The following NT5DC1 variants were observed in gnomAD, a reference collection of about 807,000 sequenced individuals.
NT5DC1 encodes the protein 5'-nucleotidase domain-containing protein 1.
A neutral mutation model predicts 59.4 loss-of-function variants in NT5DC1; 42 were observed. The observed-to-expected ratio is 0.71, with a 90% confidence interval of 0.55 to 0.92. NT5DC1 has a LOEUF of 0.92. Among genes scored for constraint, NT5DC1 ranks in the 40% least tolerant of loss-of-function variants. The pLI, the probability that NT5DC1 is intolerant of heterozygous loss-of-function variation, is 0.00. For missense variants in NT5DC1, 501 were observed against 537.1 expected, an observed-to-expected ratio of 0.93 and a Z score of 0.66; for synonymous variants, 172 against 188.1, an observed-to-expected ratio of 0.91 and a Z score of 0.70.
At chr6:116,175,029 T>A (rs1314167592) in intron 6 of NT5DC1, among the ~76,000 whole-genome samples, 10 of 152,160 alleles carry the variant, frequency 6.6e-5, no homozygotes, top group Admixed American at 6.5e-4. Context: ...ATGAACAGGA[T>A]TATCTACTCA....
intron 6 of NT5DC1, among the ~76,000 whole-genome samples, chr6:116,143,049 A>T (rs1281700245): frequency 6.6e-6 from 1 of 152,156 alleles, no homozygotes; most frequent in Non-Finnish European, 1.5e-5. Context: ...TTTTGCTCTT[A>T]CTAGGAAATT....
rs1229335743 is a variant in NT5DC1, at chr6:116,248,758, A to G, written c.*4734A>G. ...TCTTAACTGGTTTGGAGGTCCACATAAAGAATAATTGGGGTCTAGAATTAA... is the reference window on the plus strand; with the variant it reads ...TCTTAACTGGTTTGGAGGTCCACATGAAGAATAATTGGGGTCTAGAATTAA... On this transcript the variant is annotated 3_prime_UTR_variant, in exon 12 of 12. Coordinates refer to ENST00000319550, the MANE Select transcript of NT5DC1 (RefSeq NM_152729.3). 6.6e-6 allele frequency: 1 copy of G among 152,286 alleles called. No homozygotes were observed. Among genetic ancestry groups the G allele is most frequent in the African/African-American group, 2.4e-5 (1 of 41,462 alleles). 9.4% of individuals were successfully genotyped at this position (152,286 alleles called of 1,614,324 possible). A position where few individuals can be genotyped will look rare whatever the true frequency, so the allele number is the denominator to read the frequency against.
At chr6:116,190,229 C>T (rs1369066518) in intron 6 of NT5DC1, among the ~76,000 whole-genome samples, 1 of 151,922 alleles carries the variant, frequency 6.6e-6, no homozygotes, top group Non-Finnish European at 1.5e-5. Flanking sequence ...AGTCAGCATT[C>T]CCTGAGCCAA....
intron 6 of NT5DC1, among the ~76,000 whole-genome samples, chr6:116,141,914 AC>A (rs1484484153): frequency 4.0e-5 from 6 of 151,224 alleles, no homozygotes; most frequent in African/African-American, 1.5e-4. Context: ...ACACACACAC[AC>A]ACACACACAC....
chr6:116,135,872 T>TATATATATATACACACAC (rs368675402), intron 6 of NT5DC1, among the ~76,000 whole-genome samples: 1 of 121,312 alleles, frequency 8.2e-6, no homozygotes, highest in African/African-American at 3.5e-5. Context: ...TATATATATA[T>TATATATATATACACACAC]ACACACATAC....
rs558124728 is a variant in NT5DC1, at chr6:116,134,266, T to A, written c.529+16321T>A. 3.4e-3 allele frequency among the ~76,000 whole-genome samples: 521 copies of A among 152,292 alleles called. 3 individuals carry two copies. The highest frequency in any genetic ancestry group is 0.012 in the African/African-American group (484 of 41,562). ...GTATACCAGTTGCCAGGTTGGGTTC[T>A]AGGAATCTGGAGCAGGAGCTACTTC... is the stretch of plus-strand genomic sequence containing the variant. On this transcript the variant is annotated intron_variant, in intron 6 of 11. Coordinates refer to ENST00000319550, the MANE Select transcript of NT5DC1 (RefSeq NM_152729.3).
intron 6 of NT5DC1, among the ~76,000 whole-genome samples, chr6:116,187,907 A>G (rs1781037734): frequency 6.6e-6 from 1 of 152,048 alleles, no homozygotes; most frequent in Admixed American, 6.6e-5. Context: ...ATTACTAAGA[A>G]CGAAAGGGCA....
chr6:116,236,903 G>A, intron 8 of NT5DC1, 63 bp from the exon 9 acceptor site: 2 of 992,028 alleles, frequency 2.0e-6, no homozygotes, highest in South Asian at 2.7e-5. Flanking sequence ...CCTAAGTGTG[G>A]TCTGCCCAAC....
At chr6:116,116,620 C>A (rs1045286573) in intron 5 of NT5DC1, among the ~76,000 whole-genome samples, 1 of 152,008 alleles carries the variant, frequency 6.6e-6, no homozygotes, top group African/African-American at 2.4e-5. Flanking sequence ...CTAGCCTGGG[C>A]GACATAGCAA....
chr6:116,153,682 A>G (rs1221849047), intron 6 of NT5DC1, among the ~76,000 whole-genome samples: 1 of 152,120 alleles, frequency 6.6e-6, no homozygotes, highest in East Asian at 1.9e-4. Context: ...ACAGTCAAAT[A>G]TTGGCAGTTT....
At chr6:116,118,004 G>C (rs777927200) in intron 6 of NT5DC1, 59 bp downstream of exon 6, 1 of 858,938 alleles carries the variant, frequency 1.2e-6, no homozygotes, top group Non-Finnish European at 2.0e-6. Context: ...TTTGTCTAGT[G>C]AATTAGCTGA....
At chr6:116,154,486 G>A (rs1449720738) in intron 6 of NT5DC1, among the ~76,000 whole-genome samples, 1 of 151,980 alleles carries the variant, frequency 6.6e-6, no homozygotes, top group African/African-American at 2.4e-5. Flanking sequence ...CCTGCTCTGT[G>A]ATTTTTATGT....
intron 6 of NT5DC1, among the ~76,000 whole-genome samples, chr6:116,182,235 G>GTGTGTGTGTGTGTGTGTA (rs1562154235): frequency 4.0e-4 from 60 of 151,424 alleles, no homozygotes; most frequent in Admixed American, 1.1e-3. Context: ...GTGTGTGTGT[G>GTGTGTGTGTGTGTGTGTA]TGTGTGTGTG....
chr6:116,206,570 G>A (rs1562164514), intron 6 of NT5DC1, among the ~76,000 whole-genome samples: 1 of 151,952 alleles, frequency 6.6e-6, no homozygotes, highest in Non-Finnish European at 1.5e-5. Flanking sequence ...AAGCTTTTCA[G>A]TAGAAATGGA....
At chr6:116,186,429 C>T (rs1781000786) in intron 6 of NT5DC1, among the ~76,000 whole-genome samples, 1 of 151,846 alleles carries the variant, frequency 6.6e-6, no homozygotes, top group South Asian at 2.1e-4. Context: ...AGATCTCTAG[C>T]AAGGCTGGGG....
intron 8 of NT5DC1, among the ~76,000 whole-genome samples, chr6:116,223,786 A>G (rs769663097): frequency 6.6e-6 from 1 of 152,252 alleles, no homozygotes; most frequent in Non-Finnish European, 1.5e-5. Flanking sequence ...AATAAGCTCA[A>G]TGATATATTA....
chr6:116,102,560 ACTGT>A (rs1778681503), intron 1 of NT5DC1, among the ~76,000 whole-genome samples: 1 of 152,164 alleles, frequency 6.6e-6, no homozygotes, highest in Admixed American at 6.5e-5. Flanking sequence ...TTGTTAAACC[ACTGT>A]CATGTTAGAG....
chr6:116,135,872 T>TATATATATATATACACAC (rs368675402), intron 6 of NT5DC1, among the ~76,000 whole-genome samples: 2 of 121,314 alleles, frequency 1.6e-5, no homozygotes, highest in African/African-American at 7.0e-5. Context: ...TATATATATA[T>TATATATATATATACACAC]ACACACATAC....
chr6:116,196,923 C>G (rs1781240638), intron 6 of NT5DC1, among the ~76,000 whole-genome samples: 1 of 151,626 alleles, frequency 6.6e-6, no homozygotes, highest in South Asian at 2.1e-4. Flanking sequence ...GAGATATCCT[C>G]AAATGGAATA....
Sources: gnomAD v4.1 joint callset for allele counts (sites outside exome capture counted in the v4.1 genomes callset) on GRCh38, gnomAD v4.1.1 for gene constraint, MANE v1.5 for transcripts, NCBI Gene and HGNC (gene_info 2026-07-23, HGNC 2026-07-21) for gene names.